KIAA1549: variants seen among roughly 807,000 people sequenced by gnomAD.
KIAA1549 encodes the protein KIAA1549.
A neutral mutation model predicts 156.4 loss-of-function variants in KIAA1549; 70 were observed. The observed-to-expected ratio is 0.45, with a 90% confidence interval of 0.37 to 0.55. The LOEUF is 0.55. Among genes scored for constraint, KIAA1549 ranks in the 20% least tolerant of loss-of-function variants. KIAA1549 has a pLI of 0.00. For missense variants in KIAA1549, 2,428 were observed against 2,540.9 expected, an observed-to-expected ratio of 0.96 and a Z score of 0.96; for synonymous variants, 1,103 against 1,066.4, an observed-to-expected ratio of 1.03 and a Z score of -0.67.
intron 1 of KIAA1549, among the ~76,000 whole-genome samples, chr7:138,963,258 AC>A (rs1443351719): frequency 1.3e-5 from 2 of 152,368 alleles, no homozygotes; most frequent in Non-Finnish European, 2.9e-5. Flanking sequence ...ACTTCCCAGA[AC>A]CAGACAAGAT....
chr7:138,850,654 G>C (rs763447315), intron 17 of KIAA1549, among the ~76,000 whole-genome samples: 1 of 152,122 alleles, frequency 6.6e-6, no homozygotes, highest in Non-Finnish European at 1.5e-5. Context: ...CAGAATAGGA[G>C]AAAATATTTG....
At chr7:138,937,937 C>T (rs866661815) in intron 1 of KIAA1549, among the ~76,000 whole-genome samples, 5 of 152,104 alleles carry the variant, frequency 3.3e-5, no homozygotes, top group South Asian at 2.1e-4. Context: ...TGTTCACTTA[C>T]GGGTGCTCTG....
chr7:138,885,128 G>A (rs767903564), intron 10 of KIAA1549, among the ~76,000 whole-genome samples: 1 of 152,186 alleles, frequency 6.6e-6, no homozygotes, highest in Non-Finnish European at 1.5e-5. Context: ...CAGGGAGGCG[G>A]AGGTTGTGGT....
intron 10 of KIAA1549, among the ~76,000 whole-genome samples, chr7:138,888,071 T>C (rs1222993244): frequency 6.6e-6 from 1 of 152,204 alleles, no homozygotes; most frequent in Non-Finnish European, 1.5e-5. Flanking sequence ...GTGACAACTG[T>C]AATCTTCAAG....
At chr7:138,954,227 G>T (rs148077940) in intron 1 of KIAA1549, among the ~76,000 whole-genome samples, 209 of 152,308 alleles carry the variant, frequency 1.4e-3, no homozygotes, top group Non-Finnish European at 2.4e-3. Context: ...GTAAAAATAA[G>T]AGCTAAACTT....
intron 17 of KIAA1549, among the ~76,000 whole-genome samples, chr7:138,851,725 T>C (rs1810239551): frequency 6.6e-6 from 1 of 152,196 alleles, no homozygotes; most frequent in African/African-American, 2.4e-5. Flanking sequence ...CTGATCTACT[T>C]ATGATTCACC....
intron 16 of KIAA1549, among the ~76,000 whole-genome samples, chr7:138,859,884 G>A (rs927962054): frequency 9.9e-5 from 15 of 152,060 alleles, no homozygotes; most frequent in African/African-American, 3.6e-4. Context: ...CCACCACCAG[G>A]AACATCCTTC....
Position 138,918,896 on chromosome 7 carries a change from G to T in KIAA1549, c.730C>A (p.Pro244Thr), listed in dbSNP as rs759573104. The change falls in exon 2 of 20, where the codon CCA becomes ACA. Residue 244 changes from proline to threonine, a missense_variant. Physicochemically the swap from Pro to Thr is conservative, Grantham distance 38. This residue lies in a region of KIAA1549 where 893 missense variants were observed against 847.9 expected (regional missense o/e 1.05). Transcript: ENST00000422774. The surrounding 1 kb of genome is among the most constrained non-coding windows in gnomAD (Gnocchi z 4.2). ...AGCACCAAATTCCTGCCAGGAGTTG[G>T]AACGATGCCCTCAGAGGTGCGAAAA... ...SAFRTSEGIVPTPGRNLVLYP... is the reference protein window; with the variant it reads ...SAFRTSEGIVTTPGRNLVLYP... 1 of 1,614,020 alleles carries T rather than the reference G, an allele frequency of 6.2e-7. No homozygotes were observed. Among genetic ancestry groups the T allele is most frequent in the Non-Finnish European group, 8.5e-7 (1 of 1,179,896 alleles).
intron 16 of KIAA1549, among the ~76,000 whole-genome samples, chr7:138,855,549 T>C (rs780525438): frequency 1.3e-5 from 2 of 152,214 alleles, no homozygotes; most frequent in African/African-American, 2.4e-5. Flanking sequence ...CAGCTTTCCA[T>C]ACCTTTCCTT....
At chr7:138,857,022 C>G (rs1036982525) in intron 16 of KIAA1549, among the ~76,000 whole-genome samples, 1 of 152,186 alleles carries the variant, frequency 6.6e-6, no homozygotes. Context: ...CTTCTCCCAT[C>G]CTTGAAGCAC....
intron 1 of KIAA1549, among the ~76,000 whole-genome samples, chr7:138,957,839 CTCA>C (rs1172700420): frequency 6.6e-6 from 1 of 152,082 alleles, no homozygotes; most frequent in Non-Finnish European, 1.5e-5. Flanking sequence ...TTGCTGCCAC[CTCA>C]TCTCTACTGT....
At chr7:138,899,325 TG>T (rs746497251) in intron 8 of KIAA1549, among the ~76,000 whole-genome samples, 193 bp from the exon 9 acceptor site, 3 of 152,114 alleles carry the variant, frequency 2.0e-5, no homozygotes, top group Non-Finnish European at 2.9e-5. Context: ...GGAGTTCCTT[TG>T]TGTGGAGTAA....
At chr7:138,965,713 C>T (rs2130563846) in intron 1 of KIAA1549, among the ~76,000 whole-genome samples, 1 of 152,328 alleles carries the variant, frequency 6.6e-6, no homozygotes, top group East Asian at 1.9e-4. Flanking sequence ...TGCGCCTGTA[C>T]ATGTGAAAAC....
intron 1 of KIAA1549, among the ~76,000 whole-genome samples, chr7:138,958,110 AT>A (rs1813723530): frequency 6.6e-6 from 1 of 152,204 alleles, no homozygotes; most frequent in South Asian, 2.1e-4. Context: ...TATCCTCTGG[AT>A]ACATGCACGT....
At chr7:138,866,931 T>C (rs553377185) in intron 15 of KIAA1549, among the ~76,000 whole-genome samples, 4 of 151,944 alleles carry the variant, frequency 2.6e-5, no homozygotes, top group African/African-American at 9.7e-5. Context: ...GCCTCCCAAG[T>C]AGCTGGGATT....
intron 1 of KIAA1549, among the ~76,000 whole-genome samples, chr7:138,932,999 A>C (rs981133876): frequency 1.3e-5 from 2 of 152,176 alleles, no homozygotes; most frequent in Non-Finnish European, 2.9e-5. Context: ...AGAAAACAGA[A>C]AATCGGTCGG....
intron 5 of KIAA1549, 95 bp downstream of exon 5, chr7:138,908,896 G>A (rs879206621): frequency 6.8e-7 from 1 of 1,479,066 alleles, no homozygotes; most frequent in Non-Finnish European, 9.3e-7. Flanking sequence ...TTCCGCCACT[G>A]GAGGGAATAA....
intron 1 of KIAA1549, among the ~76,000 whole-genome samples, chr7:138,973,367 T>C (rs540498735): frequency 1.1e-4 from 16 of 152,346 alleles, no homozygotes; most frequent in African/African-American, 3.6e-4. Context: ...TTCTGATCAG[T>C]TGGCCCTCAT....
At chr7:138,853,677 AT>A (rs1810298302) in intron 16 of KIAA1549, among the ~76,000 whole-genome samples, 1 of 152,170 alleles carries the variant, frequency 6.6e-6, no homozygotes, top group African/African-American at 2.4e-5. Flanking sequence ...CTTGGCTGTC[AT>A]GTGGAACCTT....
Sources: gnomAD v4.1 joint callset for allele counts (sites outside exome capture counted in the v4.1 genomes callset) on GRCh38, gnomAD v4.1.1 for gene constraint, gnomAD v4.1.1 regional missense constraint, Gnocchi (gnomAD v3.1) non-coding constraint, MANE v1.5 for transcripts, NCBI Gene and HGNC (gene_info 2026-07-23, HGNC 2026-07-21) for gene names.